CCDC91: variants seen among roughly 807,000 people sequenced by gnomAD.
CCDC91 encodes the protein coiled-coil domain containing 91, also known as coiled-coil domain-containing protein 91.
Under a neutral mutation model 63.2 loss-of-function variants are expected in CCDC91, and 48 were observed. The ratio of observed to expected loss-of-function variants is 0.76; its 90% confidence interval spans 0.60 to 0.97. The LOEUF (loss-of-function observed/expected upper bound fraction) is 0.97, where lower values mean the gene tolerates loss of function less well. CCDC91 is among the 50% of genes least tolerant of loss of function. The probability of loss-of-function intolerance (pLI) is 0.00; values close to 1 mark genes in which losing one functional copy is unlikely to be tolerated. For synonymous variants in CCDC91, 167 were observed against 165.8 expected, an observed-to-expected ratio of 1.01 and a Z score of -0.06; for missense variants, 500 against 494.6, an observed-to-expected ratio of 1.01 and a Z score of -0.10.
chr12:28,214,184 T>A (rs1856694853), intron 1 of CCDC91, among the ~76,000 whole-genome samples: 1 of 152,166 alleles, frequency 6.6e-6, no homozygotes, highest in African/African-American at 2.4e-5. Context: ...TCTAGCCTGG[T>A]CACTTTGGAC....
chr12:28,466,053 G>A (rs1199890313), intron 11 of CCDC91, among the ~76,000 whole-genome samples: 1 of 148,280 alleles, frequency 6.7e-6, no homozygotes. Flanking sequence ...GAGCCTTTTA[G>A]TAGCAGAACT....
chr12:28,263,990 GTT>G (rs1165945987), intron 3 of CCDC91, among the ~76,000 whole-genome samples: 1 of 141,492 alleles, frequency 7.1e-6, no homozygotes, highest in Non-Finnish European at 1.6e-5. Flanking sequence ...CTAAAAAGCT[GTT>G]TTTTTTTTTT....
At chr12:28,517,368 G>A (rs1346697668) in intron 12 of CCDC91, among the ~76,000 whole-genome samples, 5 of 151,628 alleles carry the variant, frequency 3.3e-5, no homozygotes, top group African/African-American at 7.3e-5. Context: ...ATTAGTGAGA[G>A]TCCAAGCCCT....
chr12:28,288,304 C>G (rs1417245647), intron 3 of CCDC91, among the ~76,000 whole-genome samples: 1 of 152,104 alleles, frequency 6.6e-6, no homozygotes, highest in East Asian at 1.9e-4. Context: ...ATGCTTTCAG[C>G]TTTTGTCCAT....
chr12:28,483,340 G>A (rs781483238), intron 11 of CCDC91, among the ~76,000 whole-genome samples: 1 of 152,006 alleles, frequency 6.6e-6, no homozygotes, highest in Non-Finnish European at 1.5e-5. Flanking sequence ...ATTTTGCTTC[G>A]TGGCATTCAT....
At chr12:28,314,734 C>T (rs1381979958) in intron 6 of CCDC91, among the ~76,000 whole-genome samples, 1 of 151,806 alleles carries the variant, frequency 6.6e-6, no homozygotes, top group Non-Finnish European at 1.5e-5. Flanking sequence ...AAAAATGAAA[C>T]AATAAGGATT....
rs765057840 is a variant in CCDC91 at position 28,450,143 on chromosome 12, G to A, written c.763-18G>A. 13 of 1,439,950 alleles carry A rather than the reference G, an allele frequency of 9.0e-6. No individual in the cohort carries two copies. The East Asian group carries it at 3.0e-4, about 33-fold the overall frequency. 89.2% of individuals were successfully genotyped at this position (1,439,950 alleles called of 1,614,324 possible). A position where few individuals can be genotyped will look rare whatever the true frequency, so the allele number is the denominator to read the frequency against. The stretch of plus-strand genomic sequence containing the variant: ...CTGTCTCAGAGCCATAATATAATTT[G>A]CTTATCATTCCTTGTAGCATCAGAG... On this transcript the variant is annotated intron_variant, in intron 8 of 12. Coordinates refer to ENST00000536442, the MANE Select transcript of CCDC91 (RefSeq NM_018318.5).
intron 11 of CCDC91, among the ~76,000 whole-genome samples, chr12:28,479,434 A>T (rs546696741): frequency 1.9e-4 from 29 of 151,928 alleles, no homozygotes; most frequent in Middle Eastern, 3.4e-3. Flanking sequence ...TGGACACATG[A>T]TGGGGATCAT....
intron 6 of CCDC91, among the ~76,000 whole-genome samples, chr12:28,336,910 A>G (rs1263886680): frequency 6.8e-6 from 1 of 146,864 alleles, no homozygotes; most frequent in Non-Finnish European, 1.5e-5. Context: ...GGATTATTAC[A>G]TGTAATTTTC....
rs189204990 is a variant in CCDC91 at position 28,328,164 on chromosome 12, T to C, written c.576+20415T>C. Among the ~76,000 whole-genome samples, 307 of 152,318 alleles carry C rather than the reference T, an allele frequency of 2.0e-3. 1 individual carries two copies. The highest frequency in any genetic ancestry group is 3.4e-3 in the Non-Finnish European group (231 of 68,022). ...AAAATGAGTCTTAGACATGTTGCCA[T>C]CTACCTTACATTATTATCTAGAGAA... On this transcript the variant is annotated intron_variant, in intron 6 of 12. Transcript: ENST00000536442.
chr12:28,405,455 A>G (rs1946878290), intron 8 of CCDC91, among the ~76,000 whole-genome samples: 2 of 152,168 alleles, frequency 1.3e-5, no homozygotes, highest in Admixed American at 1.3e-4. Context: ...GTTTTAATTC[A>G]CTTATTCCTT....
intron 6 of CCDC91, among the ~76,000 whole-genome samples, chr12:28,334,164 G>A (rs1460667499): frequency 6.6e-6 from 1 of 152,064 alleles, no homozygotes; most frequent in African/African-American, 2.4e-5. Flanking sequence ...CTTGAGGAAT[G>A]TGAGGCGCTA....
At chr12:28,407,383 A>G (rs1245053596) in intron 8 of CCDC91, among the ~76,000 whole-genome samples, 1 of 152,096 alleles carries the variant, frequency 6.6e-6, no homozygotes, top group East Asian at 1.9e-4. Context: ...TCATGTATCT[A>G]TTTGTCAAAC....
intron 12 of CCDC91, among the ~76,000 whole-genome samples, chr12:28,491,204 G>A (rs748774760): frequency 1.8e-4 from 27 of 151,406 alleles, no homozygotes; most frequent in Admixed American, 8.0e-4. Flanking sequence ...ATTCAAAATT[G>A]TTCATCTAAG....
chr12:28,313,422 C>T (rs1327192570), intron 6 of CCDC91, among the ~76,000 whole-genome samples: 3 of 152,096 alleles, frequency 2.0e-5, no homozygotes, highest in East Asian at 1.9e-4. Flanking sequence ...AATATTTTCA[C>T]CTGATTTCAG....
chr12:28,357,251 C>T (rs1943585530), intron 6 of CCDC91, among the ~76,000 whole-genome samples: 1 of 152,082 alleles, frequency 6.6e-6, no homozygotes, highest in Admixed American at 6.5e-5. Context: ...CTTGAATACT[C>T]ATCATGTCCA....
intron 8 of CCDC91, among the ~76,000 whole-genome samples, chr12:28,414,257 T>C (rs1947502357): frequency 6.6e-6 from 1 of 152,084 alleles, no homozygotes; most frequent in African/African-American, 2.4e-5. Flanking sequence ...TGTAACAACA[T>C]TTAAAAAGTT....
At chr12:28,244,626 C>CATTT (rs2136003744) in intron 1 of CCDC91, among the ~76,000 whole-genome samples, 1 of 138,942 alleles carries the variant, frequency 7.2e-6, no homozygotes, top group Admixed American at 8.0e-5. Context: ...AAAGTATCTT[C>CATTT]ATTTATATGT....
intron 4 of CCDC91, 107 bp downstream of exon 4, chr12:28,305,913 G>T (rs1938675989): frequency 2.2e-6 from 2 of 902,444 alleles, no homozygotes; most frequent in Admixed American, 2.7e-5. Flanking sequence ...TCTAAAAGAA[G>T]TATTTCTGCA....
Sources: allele counts gnomAD v4.1 joint callset (sites outside exome capture counted in the v4.1 genomes callset), GRCh38; gene constraint gnomAD v4.1.1; transcripts MANE v1.5; gene names NCBI Gene and HGNC (gene_info 2026-07-23, HGNC 2026-07-21).